KIF16B: variants seen among roughly 807,000 people sequenced by gnomAD.
KIF16B encodes the protein kinesin-like protein KIF16B.
In KIF16B, 98 loss-of-function variants were observed where a neutral mutation model predicts 156.3. That is an observed-to-expected ratio of 0.63 (90% CI 0.53 to 0.74). The LOEUF (loss-of-function observed/expected upper bound fraction) is 0.74, where lower values mean the gene tolerates loss of function less well. Ranked by LOEUF, KIF16B falls within the 30% of genes least tolerant of loss-of-function variation. The pLI, the probability that KIF16B is intolerant of heterozygous loss-of-function variation, is 0.00. For synonymous variants in KIF16B, 564 were observed against 583.7 expected (o/e 0.97, Z 0.49); for missense variants, 1,421 against 1,606.5 (o/e 0.88, Z 1.97).
intron 17 of KIF16B, among the ~76,000 whole-genome samples, chr20:16,396,180 C>G (rs4814487): frequency 0.3 from 45,433 of 151,856 alleles, 7,304 homozygotes; most frequent in African/African-American, 0.44. Context: ...TGCATAGGAG[C>G]GCAAACCCTA....
At chr20:16,467,420 G>A (rs1160713391) in intron 12 of KIF16B, among the ~76,000 whole-genome samples, 1 of 152,148 alleles carries the variant, frequency 6.6e-6, no homozygotes, top group Non-Finnish European at 1.5e-5. Flanking sequence ...ACACAGTTTT[G>A]AAGAGACTGA....
At chr20:16,513,451 G>A (rs1293149578) in intron 4 of KIF16B, among the ~76,000 whole-genome samples, 1 of 152,000 alleles carries the variant, frequency 6.6e-6, no homozygotes, top group Non-Finnish European at 1.5e-5. Context: ...CTGAGGTCAG[G>A]AGTTTGAGAC....
At chr20:16,366,609 T>C (rs1292626306) in intron 22 of KIF16B, among the ~76,000 whole-genome samples, 2 of 152,190 alleles carry the variant, frequency 1.3e-5, no homozygotes, top group African/African-American at 4.8e-5. Context: ...CTGTCTCGAT[T>C]CCGCATACCA....
intron 24 of KIF16B, among the ~76,000 whole-genome samples, chr20:16,319,473 A>T (rs1014183806): frequency 6.6e-6 from 1 of 152,198 alleles, no homozygotes; most frequent in Non-Finnish European, 1.5e-5. Flanking sequence ...AAAATAAATG[A>T]AGATCAACAA....
intron 19 of KIF16B, among the ~76,000 whole-genome samples, chr20:16,374,651 C>G (rs995317646): frequency 5.3e-5 from 8 of 152,246 alleles, no homozygotes; most frequent in Non-Finnish European, 7.4e-5. Flanking sequence ...TTTTGACTAC[C>G]AAGAGCAAAG....
At chr20:16,519,697 C>T (rs2147105348) in intron 3 of KIF16B, among the ~76,000 whole-genome samples, 1 of 152,348 alleles carries the variant, frequency 6.6e-6, no homozygotes, top group South Asian at 2.1e-4. Context: ...TTTCAAACTG[C>T]AAGAAACAAG....
Position 16,491,843 on chromosome 20 carries a change from C to A in KIF16B, c.1302+2448G>T, listed in dbSNP as rs550156594. 1.7e-4 allele frequency among the ~76,000 whole-genome samples: 26 copies of A among 152,276 alleles called. 1 individual carries two copies. The highest frequency in any genetic ancestry group is 1.2e-3 in the South Asian group (6 of 4,814). ...TCAACAGGACCGTGGATTCCACTCA[C>A]GCAGGGCAAGGGAAGCCACCGACTA... is the stretch of plus-strand genomic sequence containing the variant. On this transcript the variant is annotated intron_variant, in intron 12 of 25. Transcript: ENST00000354981.
intron 1 of KIF16B, among the ~76,000 whole-genome samples, chr20:16,540,306 G>C (rs182060212): frequency 1.3e-5 from 2 of 152,182 alleles, no homozygotes; most frequent in East Asian, 1.9e-4. Context: ...TCTGGAGAGT[G>C]AGTGGGAGCA....
chr20:16,334,375 T>C (rs1438710380), intron 24 of KIF16B, among the ~76,000 whole-genome samples: 3 of 152,246 alleles, frequency 2.0e-5, no homozygotes, highest in African/African-American at 7.2e-5. Flanking sequence ...TTGTCAATAT[T>C]GATTTCAGCC....
intron 12 of KIF16B, among the ~76,000 whole-genome samples, chr20:16,485,329 T>C (rs2068084715): frequency 6.6e-6 from 1 of 152,076 alleles, no homozygotes; most frequent in Non-Finnish European, 1.5e-5. Flanking sequence ...CACTAGGTTT[T>C]AAGGCAGTTT....
intron 25 of KIF16B, among the ~76,000 whole-genome samples, chr20:16,278,551 A>C (rs988941836): frequency 1.3e-5 from 2 of 152,184 alleles, no homozygotes; most frequent in African/African-American, 2.4e-5. Context: ...GGTTTTGGGC[A>C]TATTTTGTTG....
intron 15 of KIF16B, among the ~76,000 whole-genome samples, chr20:16,412,271 T>G (rs2065976151): frequency 6.6e-6 from 1 of 151,708 alleles, no homozygotes; most frequent in Admixed American, 6.6e-5. Flanking sequence ...ACAAGTGGTG[T>G]TAGTGGGAGC....
chr20:16,279,624 C>T (rs1288432022), intron 25 of KIF16B, among the ~76,000 whole-genome samples: 1 of 152,158 alleles, frequency 6.6e-6, no homozygotes, highest in Non-Finnish European at 1.5e-5. Context: ...CTGCCTATCA[C>T]GCTCTTCTCT....
At chr20:16,548,885 G>T (rs977521772) in intron 1 of KIF16B, among the ~76,000 whole-genome samples, 1 of 152,106 alleles carries the variant, frequency 6.6e-6, no homozygotes, top group East Asian at 1.9e-4. Flanking sequence ...ACCACTGGAA[G>T]ATGCCTCCCC....
chr20:16,374,068 T>C (rs1423123079), intron 20 of KIF16B, among the ~76,000 whole-genome samples, 189 bp downstream of exon 20: 2 of 152,188 alleles, frequency 1.3e-5, no homozygotes, highest in African/African-American at 2.4e-5. Flanking sequence ...AGTCCTTGAT[T>C]TTCTTGAAAT....
chr20:16,517,571 A>G (rs80024687), intron 3 of KIF16B, among the ~76,000 whole-genome samples: 2,971 of 152,278 alleles, frequency 0.02, 92 homozygotes, highest in African/African-American at 0.066. Flanking sequence ...TGCAGGACTT[A>G]GTTATCACTG....
intron 1 of KIF16B, among the ~76,000 whole-genome samples, chr20:16,549,966 G>C (rs535801715): frequency 5.8e-4 from 40 of 68,412 alleles, no homozygotes; most frequent in African/African-American, 2.5e-3. Flanking sequence ...AACACCAAAA[G>C]CAATGGCAAC....
At chr20:16,525,740 G>A (rs2069517198) in intron 3 of KIF16B, among the ~76,000 whole-genome samples, 1 of 152,202 alleles carries the variant, frequency 6.6e-6, no homozygotes, top group Admixed American at 6.5e-5. Context: ...AGGACTCAAG[G>A]TTAAGTGGCT....
chr20:16,424,745 T>C (rs549877137), intron 15 of KIF16B, among the ~76,000 whole-genome samples: 26 of 152,162 alleles, frequency 1.7e-4, no homozygotes, highest in African/African-American at 5.8e-4. Context: ...CAGCCAAGCA[T>C]AGCCATGCTT....
Sources: gnomAD v4.1 joint callset for allele counts (sites outside exome capture counted in the v4.1 genomes callset) on GRCh38, gnomAD v4.1.1 for gene constraint, MANE v1.5 for transcripts, NCBI Gene and HGNC (gene_info 2026-07-23, HGNC 2026-07-21) for gene names.